The following RNF17 variants were observed in gnomAD, a reference collection of about 807,000 sequenced individuals.
The protein encoded by RNF17 is ring finger protein 17.
Under a neutral mutation model 200.5 loss-of-function variants are expected in RNF17, and 31 were observed. That is an observed-to-expected ratio of 0.15 (90% CI 0.12 to 0.21). RNF17 has a LOEUF of 0.21. Among genes scored for constraint, RNF17 ranks in the 10% least tolerant of loss-of-function variants. RNF17 has a pLI of 1.00. For synonymous variants in RNF17, 606 were observed against 637.8 expected (o/e 0.95, Z 0.75); for missense variants, 1,628 against 1,905.1 (o/e 0.85, Z 2.71).
At chr13:24,752,451 C>T in the RNF17 span, among the ~76,000 whole-genome samples, 2 of 152,218 alleles carry the variant, frequency 1.3e-5, no homozygotes, top group African/African-American at 4.8e-5. Context: ...ACCCAGAGGA[C>T]ATTAGGTCCA....
chr13:24,862,682 A>G (rs1046453386), intron 27 of RNF17, 31 bp from the exon 28 acceptor site: 6 of 1,407,096 alleles, frequency 4.3e-6, no homozygotes, highest in African/African-American at 1.4e-5. Flanking sequence ...ATGAAAGCAT[A>G]AAAGAATCTG....
intron 18 of RNF17, among the ~76,000 whole-genome samples, chr13:24,833,134 A>G (rs897780504): frequency 2.6e-5 from 4 of 152,170 alleles, no homozygotes; most frequent in African/African-American, 9.7e-5. Context: ...GTAGTGCAGG[A>G]TACATGAGAC....
At chr13:24,796,087 T>C in intron 10 of RNF17, 50 bp from the exon 11 acceptor site, 2 of 1,409,640 alleles carry the variant, frequency 1.4e-6, no homozygotes, top group Non-Finnish European at 2.0e-6. Context: ...CTTTCATGAA[T>C]TATTTTCTAA....
intron 15 of RNF17, among the ~76,000 whole-genome samples, chr13:24,822,356 A>G (rs1593346007): frequency 6.6e-6 from 1 of 152,218 alleles, no homozygotes; most frequent in Middle Eastern, 3.4e-3. Context: ...TTTTCACTGA[A>G]AAGGAAAACC....
intron 15 of RNF17, among the ~76,000 whole-genome samples, chr13:24,815,391 T>G (rs1887253372): frequency 6.6e-6 from 1 of 151,980 alleles, no homozygotes; most frequent in Admixed American, 6.6e-5. Context: ...ATTTTGTGTC[T>G]AGCAACTTTG....
At chr13:24,819,729 A>G (rs1383216900) in intron 15 of RNF17, among the ~76,000 whole-genome samples, 1 of 152,186 alleles carries the variant, frequency 6.6e-6, no homozygotes, top group Non-Finnish European at 1.5e-5. Flanking sequence ...TTATTTATGC[A>G]TTTGTCTTTT....
intron 25 of RNF17, among the ~76,000 whole-genome samples, chr13:24,854,897 T>C (rs1892301497): frequency 1.3e-5 from 2 of 152,222 alleles, no homozygotes; most frequent in South Asian, 4.1e-4. Flanking sequence ...TTGCCCATGA[T>C]AAGAAGCAGC....
At position 24,786,455 on chromosome 13, in the gene RNF17, G is replaced by T. The variant is rs150153158; in HGVS notation, c.612-1533G>T. On this transcript the variant is annotated intron_variant, in intron 6 of 35. Coordinates refer to ENST00000255324, the MANE Select transcript of RNF17 (RefSeq NM_031277.3). The stretch of plus-strand genomic sequence containing the variant: ...TATAAATTAAAATTACACTAATATT[G>T]GTTTTTATGTTTGCCCATGTATTTA... 9.6e-3 allele frequency among the ~76,000 whole-genome samples: 1,454 copies of T among 152,094 alleles called. 33 individuals are homozygous for T. The highest frequency in any genetic ancestry group is 0.032 in the African/African-American group (1,342 of 41,478).
At chr13:24,787,066 G>A (rs947375531) in intron 6 of RNF17, among the ~76,000 whole-genome samples, 2 of 151,616 alleles carry the variant, frequency 1.3e-5, no homozygotes, top group Non-Finnish European at 1.5e-5. Flanking sequence ...AAGTTGGCTC[G>A]TTCTTTCCTT....
At chr13:24,806,486 A>G (rs562086589) in intron 15 of RNF17, among the ~76,000 whole-genome samples, 10 of 152,168 alleles carry the variant, frequency 6.6e-5, no homozygotes, top group African/African-American at 2.2e-4. Flanking sequence ...AAGCATTCCT[A>G]TTTCTCCACA....
chr13:24,764,414 G>A, intron 1 of RNF17, 81 bp downstream of exon 1: 2 of 1,464,290 alleles, frequency 1.4e-6, no homozygotes, highest in Non-Finnish European at 1.8e-6. Flanking sequence ...GGGCGCGTGA[G>A]GCTTGGTCAG....
chr13:24,825,350 TGA>T (rs1888503049), intron 15 of RNF17, among the ~76,000 whole-genome samples: 2 of 152,250 alleles, frequency 1.3e-5, no homozygotes, highest in African/African-American at 2.4e-5. Context: ...ACATATACAG[TGA>T]GTGTGTGTAT....
At chr13:24,875,244 A>T (rs983132039) in intron 33 of RNF17, among the ~76,000 whole-genome samples, 1 of 152,148 alleles carries the variant, frequency 6.6e-6, no homozygotes, top group African/African-American at 2.4e-5. Flanking sequence ...CAAACATTAA[A>T]TTTATGGTGA....
intron 15 of RNF17, among the ~76,000 whole-genome samples, chr13:24,820,820 GC>G (rs1342440747): frequency 6.6e-6 from 1 of 152,082 alleles, no homozygotes; most frequent in Non-Finnish European, 1.5e-5. Context: ...CTCTTTTGCT[GC>G]TTCCCAGATT....
chr13:24,844,396 G>T (rs1470870101), intron 20 of RNF17, among the ~76,000 whole-genome samples: 1 of 152,140 alleles, frequency 6.6e-6, no homozygotes, highest in Non-Finnish European at 1.5e-5. Flanking sequence ...AGACCTCAGA[G>T]ACAGTGACTT....
intron 18 of RNF17, among the ~76,000 whole-genome samples, chr13:24,837,989 T>C (rs2138085884): frequency 6.6e-6 from 1 of 152,240 alleles, no homozygotes; most frequent in Non-Finnish European, 1.5e-5. Flanking sequence ...ATAACCTCGC[T>C]AAGAAATGAA....
chr13:24,833,063 CT>C (rs1437778931), intron 18 of RNF17, among the ~76,000 whole-genome samples: 1 of 152,082 alleles, frequency 6.6e-6, no homozygotes, highest in Non-Finnish European at 1.5e-5. Context: ...TGTTTTTCAT[CT>C]GATATTTTGA....
the RNF17 span, among the ~76,000 whole-genome samples, chr13:24,757,903 G>C: frequency 5.3e-5 from 8 of 152,156 alleles, no homozygotes; most frequent in Non-Finnish European, 1.5e-5. Context: ...AATGTTGGAG[G>C]TGGGGTCTGG....
chr13:24,838,285 A>G (rs971276240), intron 18 of RNF17, among the ~76,000 whole-genome samples: 2 of 152,196 alleles, frequency 1.3e-5, no homozygotes, highest in Admixed American at 6.5e-5. Flanking sequence ...TCCTTTTGAC[A>G]CTATTCCACA....
Sources: allele counts gnomAD v4.1 joint callset (sites outside exome capture counted in the v4.1 genomes callset), GRCh38; gene constraint gnomAD v4.1.1; transcripts MANE v1.5; gene names NCBI Gene and HGNC (gene_info 2026-07-23, HGNC 2026-07-21).